Variants in BCKDHB observed in about 807,000 individuals in gnomAD.
BCKDHB encodes branched chain keto acid dehydrogenase E1 subunit beta, also known as 2-oxoisovalerate dehydrogenase subunit beta, mitochondrial.
BCKDHB carries 41 observed loss-of-function variants against 48.5 expected under a neutral mutation model. The ratio of observed to expected loss-of-function variants is 0.85; its 90% CI spans 0.66 to 1.10. The LOEUF (loss-of-function observed/expected upper bound fraction) is 1.10. BCKDHB is among the 50% of genes least tolerant of loss of function. The pLI is 0.00. For synonymous variants in BCKDHB, 201 were observed against 174.8 expected, an observed-to-expected ratio of 1.15 and a Z score of -1.18; for missense variants, 496 against 494.2, an observed-to-expected ratio of 1.00 and a Z score of -0.03.
the BCKDHB span, among the ~76,000 whole-genome samples, chr6:80,429,307 A>G: frequency 6.6e-6 from 1 of 152,210 alleles, no homozygotes; most frequent in African/African-American, 2.4e-5. Context: ...AGGTAGCATG[A>G]TGCCTCCAGC....
At chr6:80,294,896 T>G (rs11963919) in intron 9 of BCKDHB, among the ~76,000 whole-genome samples, 14,895 of 149,238 alleles carry the variant, frequency 0.1, 995 homozygotes, top group South Asian at 0.23. Context: ...TTCTGCTTTT[T>G]CCTTTTGTCC....
chr6:80,270,449 C>T (rs1010164284), intron 8 of BCKDHB, among the ~76,000 whole-genome samples: 4 of 152,086 alleles, frequency 2.6e-5, no homozygotes, highest in African/African-American at 9.7e-5. Context: ...CTTCTGACTC[C>T]TCTCTTCTTG....
chr6:80,171,313 A>T lies in BCKDHB; in HGVS notation c.665A>T (p.Lys222Ile), dbSNP rs199738863. 7 of 1,609,096 alleles carry T rather than the reference A, an allele frequency of 4.4e-6. No homozygotes were observed. The highest frequency in any genetic ancestry group is 1.7e-6 in the Non-Finnish European group (2 of 1,177,808). The change falls in exon 6 of 10, where the codon AAA becomes ATA. Residue 222 changes from lysine (K) to isoleucine (I), a missense_variant. Physicochemically the swap from Lys to Ile is moderately radical, Grantham distance 102. Transcript: ENST00000320393. ...VVIPRSPFQAKGLLLSCIEDK... is the reference protein window; with the variant it reads ...VVIPRSPFQAIGLLLSCIEDK... ...ATACCCAGAAGCCCTTTCCAGGCCA[A>T]AGGACTTCTTTTGTCATGCATAGAG... is the stretch of plus-strand genomic sequence containing the variant.
the BCKDHB span, among the ~76,000 whole-genome samples, chr6:80,385,009 T>TA: frequency 6.6e-6 from 1 of 152,180 alleles, no homozygotes; most frequent in Non-Finnish European, 1.5e-5. Context: ...TTTAGAGAGT[T>TA]ACGTAAAATA....
At chr6:80,417,967 CCAATG>C in the BCKDHB span, among the ~76,000 whole-genome samples, 1 of 152,144 alleles carries the variant, frequency 6.6e-6, no homozygotes, top group African/African-American at 2.4e-5. Flanking sequence ...TTCAGGGACA[CCAATG>C]AGTCTTATAT....
At chr6:80,162,930 CT>C (rs570707378) in intron 3 of BCKDHB, among the ~76,000 whole-genome samples, 13 of 147,720 alleles carry the variant, frequency 8.8e-5, no homozygotes, top group Non-Finnish European at 7.5e-5. Flanking sequence ...CTCTCTCTCT[CT>C]TTTTTTTTTA....
the BCKDHB span, among the ~76,000 whole-genome samples, chr6:80,367,471 G>T: frequency 3.9e-5 from 6 of 152,248 alleles, no homozygotes; most frequent in Middle Eastern, 6.8e-3. Context: ...AAACTCTACT[G>T]TTTTTTTATT....
intron 9 of BCKDHB, among the ~76,000 whole-genome samples, chr6:80,298,340 C>T (rs949136272): frequency 2.9e-4 from 44 of 152,198 alleles, no homozygotes; most frequent in South Asian, 2.1e-4. Context: ...CACACCTGGC[C>T]TCAAGTGATC....
chr6:80,272,231 C>T (rs1199203641), intron 8 of BCKDHB, among the ~76,000 whole-genome samples: 1 of 152,000 alleles, frequency 6.6e-6, no homozygotes. Flanking sequence ...ACTATAATTG[C>T]CTAGAATGAA....
At chr6:80,462,292 A>G in the BCKDHB span, among the ~76,000 whole-genome samples, 3 of 152,172 alleles carry the variant, frequency 2.0e-5, no homozygotes. Flanking sequence ...CATGAGCTAT[A>G]TCTTTTCAAC....
rs77884752 is a variant in BCKDHB at position 80,147,608 on chromosome 6, C to T, written c.343+18379C>T. On this transcript the variant is annotated intron_variant, in intron 3 of 9. Transcript: ENST00000320393. ...GAAGCTGAGACTAAAAGCAGGGAGA[C>T]GGGGGTGAGATGATGCCTGAGTCCA... Among the ~76,000 whole-genome samples, 124 of 152,068 alleles carry T rather than the reference C, an allele frequency of 8.2e-4. 1 individual carries two copies. Among genetic ancestry groups the T allele is most frequent in the Middle Eastern group, 3.4e-3 (1 of 294 alleles).
At chr6:80,259,196 G>T (rs1482200859) in intron 8 of BCKDHB, among the ~76,000 whole-genome samples, 1 of 152,162 alleles carries the variant, frequency 6.6e-6, no homozygotes, top group African/African-American at 2.4e-5. Flanking sequence ...TTGGAGATTT[G>T]TCTTGAATGC....
chr6:80,148,652 A>G (rs954874069), intron 3 of BCKDHB, among the ~76,000 whole-genome samples: 1 of 152,122 alleles, frequency 6.6e-6, no homozygotes, highest in Non-Finnish European at 1.5e-5. Context: ...TAAAGCTCTG[A>G]TCATAACACT....
chr6:80,108,505 A>C lies in BCKDHB; in HGVS notation c.196+1616A>C, dbSNP rs145617300. On this transcript the variant is annotated intron_variant, in intron 1 of 9. Coordinates refer to ENST00000320393, the MANE Select transcript of BCKDHB (RefSeq NM_183050.4). ...TCATGATATATATAAACTTGTTCTTATTTTAAAAATAATACAAACATATTA... is the reference window on the plus strand; with the variant it reads ...TCATGATATATATAAACTTGTTCTTCTTTTAAAAATAATACAAACATATTA... Among the ~76,000 whole-genome samples, 28 of 151,054 alleles carry C rather than the reference A, an allele frequency of 1.9e-4. No individual in the cohort carries two copies. The East Asian group carries it at 5.2e-3, about 28-fold the overall frequency.
intron 9 of BCKDHB, among the ~76,000 whole-genome samples, chr6:80,314,056 A>G (rs114032508): frequency 0.014 from 2,084 of 152,166 alleles, 34 homozygotes; most frequent in African/African-American, 0.048. Context: ...AGGTTGTTCA[A>G]TTTCCATTTA....
At chr6:80,315,552 C>T (rs544403280) in intron 9 of BCKDHB, among the ~76,000 whole-genome samples, 21 of 151,836 alleles carry the variant, frequency 1.4e-4, no homozygotes, top group African/African-American at 3.9e-4. Flanking sequence ...GTGAGTGCCA[C>T]GCACTACAGT....
In BCKDHB at chr6:80,168,977, C is replaced by G; in HGVS notation, c.580C>G (p.Leu194Val). ...SPWGCVGHGA[L>V]YHSQSPEAFF... is the part of the protein sequence containing the mutation. ...TTGGGGCTGTGTTGGTCATGGGGCT[C>G]TCTATCATTCTCAGAGTCCTGAAGC... The change falls in exon 5 of 10, where the codon CTC (leucine) becomes GTC (valine). Residue 194 changes from leucine to valine, a missense_variant. By Grantham distance (32) the Leu-to-Val change is conservative. Transcript: ENST00000320393. 6.2e-7 allele frequency: 1 copy of G among 1,614,192 alleles called. No individual in the cohort carries two copies. The highest frequency in any genetic ancestry group is 1.1e-5 in the South Asian group (1 of 91,086).
At chr6:80,378,506 A>G in the BCKDHB span, among the ~76,000 whole-genome samples, 1 of 152,016 alleles carries the variant, frequency 6.6e-6, no homozygotes, top group African/African-American at 2.4e-5. Flanking sequence ...AGGTATGTGT[A>G]TAGAGAAAAT....
chr6:80,262,261 A>G (rs9343978), intron 8 of BCKDHB, among the ~76,000 whole-genome samples: 57,251 of 152,090 alleles, frequency 0.38, 12,353 homozygotes, highest in East Asian at 0.56. Flanking sequence ...TTTAAGTGGA[A>G]TTTGCCCATG....
Sources: gnomAD v4.1 joint callset for allele counts (sites outside exome capture counted in the v4.1 genomes callset) on GRCh38, gnomAD v4.1.1 for gene constraint, MANE v1.5 for transcripts, NCBI Gene and HGNC (gene_info 2026-07-23, HGNC 2026-07-21) for gene names.